RALYL: variants seen among roughly 807,000 people sequenced by gnomAD.
RALYL encodes the protein RNA-binding Raly-like protein.
In RALYL, 29 loss-of-function variants were observed where a neutral mutation model predicts 35.1. That is an observed-to-expected ratio of 0.83 (90% CI 0.61 to 1.13). The LOEUF is 1.13. Among genes scored for constraint, RALYL ranks in the 50% most tolerant of loss-of-function variants. The pLI, the probability that RALYL is intolerant of heterozygous loss-of-function variation, is 0.00. For synonymous variants in RALYL, 120 were observed against 127.6 expected (o/e 0.94, Z 0.40); for missense variants, 359 against 360.4 (o/e 1.00, Z 0.03).
intron 4 of RALYL, among the ~76,000 whole-genome samples, chr8:84,807,463 GC>G (rs763908345): frequency 2.0e-5 from 3 of 152,188 alleles, no homozygotes; most frequent in Non-Finnish European, 4.4e-5. Context: ...TGCGAATTCT[GC>G]TGCTATAAAC....
intron 7 of RALYL, among the ~76,000 whole-genome samples, chr8:84,886,403 C>G (rs1262186717): frequency 7.9e-5 from 12 of 151,946 alleles, no homozygotes; most frequent in Non-Finnish European, 7.4e-5. Context: ...ATGAAAAAGA[C>G]CAGAAATGAA....
At chr8:84,227,365 A>AG (rs1824195508) in intron 1 of RALYL, among the ~76,000 whole-genome samples, 1 of 151,814 alleles carries the variant, frequency 6.6e-6, no homozygotes, top group South Asian at 2.1e-4. Flanking sequence ...GCACAAAAAA[A>AG]ATGTATTTCT....
chr8:84,217,823 C>G (rs1821186356), intron 1 of RALYL, among the ~76,000 whole-genome samples: 1 of 152,080 alleles, frequency 6.6e-6, no homozygotes, highest in Middle Eastern at 3.4e-3. Context: ...AAACTAGGAG[C>G]CTAATAGAAT....
At chr8:84,342,131 G>T (rs1413657205) in intron 1 of RALYL, among the ~76,000 whole-genome samples, 2 of 150,250 alleles carry the variant, frequency 1.3e-5, no homozygotes, top group Admixed American at 6.6e-5. Context: ...ATTCATTTAT[G>T]GGAGAACCAA....
At chr8:84,756,059 G>T (rs1341702581) in intron 2 of RALYL, among the ~76,000 whole-genome samples, 4 of 151,602 alleles carry the variant, frequency 2.6e-5, no homozygotes, top group African/African-American at 9.7e-5. Context: ...ACATTTTTTT[G>T]AATTTTTGAG....
At position 84,519,788 on chromosome 8, in the gene RALYL, T is replaced by G. The variant is rs145906287; in HGVS notation, c.-23-9511T>G. On this transcript the variant is annotated intron_variant, in intron 1 of 8. Coordinates refer to ENST00000521268, the MANE Select transcript of RALYL (RefSeq NM_173848.7). ...ATAAAGAATTAAAGTGTCACTGATT[T>G]CTTCTTCTCCACTTTAGTCTGACTT... Among the ~76,000 whole-genome samples, 397 of 152,348 alleles carry G rather than the reference T, an allele frequency of 2.6e-3. 1 individual carries two copies. Among genetic ancestry groups the G allele is most frequent in the Middle Eastern group, 0.017 (5 of 294 alleles).
Position 84,401,231 on chromosome 8 carries a change from T to C in RALYL, c.-23-128068T>C, listed in dbSNP as rs73302526. Among the ~76,000 whole-genome samples, 779 of 151,440 alleles carry C rather than the reference T, an allele frequency of 5.1e-3. 10 individuals carry two copies. Among genetic ancestry groups the C allele is most frequent in the African/African-American group, 0.017 (713 of 40,762 alleles). ...AAATGTGCTTTCTTTTCTTCTTCTT[T>C]TTTTTAATCTTTTCTTCTATTCTGT... is the stretch of plus-strand genomic sequence containing the variant. On this transcript the variant is annotated intron_variant, in intron 1 of 8. Transcript: ENST00000521268.
At chr8:84,713,471 A>G (rs1335287018) in intron 2 of RALYL, among the ~76,000 whole-genome samples, 2 of 152,038 alleles carry the variant, frequency 1.3e-5, no homozygotes, top group Non-Finnish European at 2.9e-5. Context: ...AAAGTTCAAA[A>G]TCACTAATCA....
At chr8:84,482,834 G>T (rs2054187498) in intron 1 of RALYL, among the ~76,000 whole-genome samples, 1 of 152,000 alleles carries the variant, frequency 6.6e-6, no homozygotes. Flanking sequence ...AATAGCTTGT[G>T]CACTATTATC....
Position 84,529,282 on chromosome 8 carries a change from T to A in RALYL, c.-23-17T>A. On this transcript the variant is annotated splice_polypyrimidine_tract_variant and intron_variant, in intron 1 of 8. Coordinates refer to ENST00000521268, the MANE Select transcript of RALYL (RefSeq NM_173848.7). ...CCTTTTGATTATTTGTTTTGTTTGTTTGTTTGTTTGTTTAAGGATTAAAGC... is the reference window on the plus strand; with the variant it reads ...CCTTTTGATTATTTGTTTTGTTTGTATGTTTGTTTGTTTAAGGATTAAAGC... 6.5e-7 allele frequency: 1 copy of A among 1,547,836 alleles called. No individual in the cohort carries two copies. Among genetic ancestry groups the A allele is most frequent in the South Asian group, 1.2e-5 (1 of 84,080 alleles).
chr8:84,610,851 G>A (rs986478824), intron 2 of RALYL, among the ~76,000 whole-genome samples: 1 of 152,054 alleles, frequency 6.6e-6, no homozygotes, highest in Non-Finnish European at 1.5e-5. Flanking sequence ...TGTGCACTTC[G>A]ACGTCTCTCC....
intron 2 of RALYL, among the ~76,000 whole-genome samples, chr8:84,610,246 C>T (rs997736755): frequency 6.6e-6 from 1 of 152,006 alleles, no homozygotes; most frequent in Admixed American, 6.6e-5. Context: ...GCTGTCATGT[C>T]TTCTTAGGTT....
At chr8:84,852,200 G>C (rs1394397715) in intron 5 of RALYL, among the ~76,000 whole-genome samples, 3 of 152,154 alleles carry the variant, frequency 2.0e-5, no homozygotes, top group African/African-American at 4.8e-5. Flanking sequence ...TTGAGAATCA[G>C]ACCCACAACT....
intron 1 of RALYL, among the ~76,000 whole-genome samples, chr8:84,259,222 A>G (rs1831756843): frequency 6.6e-6 from 1 of 152,146 alleles, no homozygotes. Flanking sequence ...GCTGTCTGAA[A>G]ATGAAATGAC....
intron 2 of RALYL, among the ~76,000 whole-genome samples, chr8:84,644,467 T>A (rs1399862660): frequency 6.6e-6 from 1 of 152,032 alleles, no homozygotes; most frequent in Non-Finnish European, 1.5e-5. Flanking sequence ...TTACAAGACA[T>A]AAGAAATTAG....
intron 2 of RALYL, among the ~76,000 whole-genome samples, chr8:84,656,094 AG>A (rs2131594493): frequency 6.6e-6 from 1 of 152,256 alleles, no homozygotes; most frequent in African/African-American, 2.4e-5. Flanking sequence ...AATCAAAGTC[AG>A]TTATTTTTTG....
At chr8:84,514,090 T>TA (rs57881021) in intron 1 of RALYL, among the ~76,000 whole-genome samples, 1,169 of 41,142 alleles carry the variant, frequency 0.028, 55 homozygotes, top group Non-Finnish European at 0.034. Context: ...AGATTTCATC[T>TA]AAAAAAAAAA....
intron 1 of RALYL, among the ~76,000 whole-genome samples, chr8:84,199,222 C>A (rs41351250): frequency 2.0e-5 from 3 of 152,012 alleles, no homozygotes; most frequent in Non-Finnish European, 2.9e-5. Context: ...ATTGTCTTTT[C>A]GATGTGCATT....
chr8:84,538,631 G>C (rs558682965), intron 2 of RALYL, among the ~76,000 whole-genome samples: 3 of 152,086 alleles, frequency 2.0e-5, no homozygotes, highest in African/African-American at 4.8e-5. Context: ...TACAGCTCTT[G>C]GAAAATATTC....
Sources: allele counts gnomAD v4.1 joint callset (sites outside exome capture counted in the v4.1 genomes callset), GRCh38; gene constraint gnomAD v4.1.1; transcripts MANE v1.5; gene names NCBI Gene and HGNC (gene_info 2026-07-23, HGNC 2026-07-21).